Variants in DACH2 observed in about 807,000 individuals in gnomAD.
DACH2 encodes the protein dachshund homolog 2.
A neutral mutation model predicts 35.8 loss-of-function variants in DACH2; 17 were observed. The observed-to-expected ratio is 0.48, with a 90% CI of 0.33 to 0.71. The LOEUF is 0.71. DACH2 is among the 30% of genes least tolerant of loss of function. The pLI is 0.02. For synonymous variants in DACH2, 195 were observed against 177.3 expected (o/e 1.10, Z -0.79); for missense variants, 469 against 472.7 (o/e 0.99, Z 0.07).
intron 2 of DACH2, among the ~76,000 whole-genome samples, chrX:86,436,682 T>C (rs1000727677): frequency 9.0e-6 from 1 of 111,577 alleles, no homozygotes; most frequent in African/African-American, 3.2e-5. Flanking sequence ...TTTCTTTGAT[T>C]CTACCTTTAA....
At chrX:86,651,003 T>G (rs1346128279) in intron 3 of DACH2, 33 bp from the exon 4 acceptor site, 1 of 1,118,369 alleles carries the variant, frequency 8.9e-7, no homozygotes, top group Non-Finnish European at 1.2e-6. Context: ...TTAATATAAA[T>G]AAATAAATGG....
chrX:86,443,697 G>C (rs1407204666), intron 2 of DACH2, among the ~76,000 whole-genome samples: 1 of 111,062 alleles, frequency 9.0e-6, no homozygotes, highest in Non-Finnish European at 1.9e-5. Context: ...TGTAATCCTA[G>C]TGTGTTTGGA....
At chrX:86,657,419 TA>T (rs1247149933) in intron 4 of DACH2, among the ~76,000 whole-genome samples, 2 of 111,417 alleles carry the variant, frequency 1.8e-5, no homozygotes, top group Non-Finnish European at 3.8e-5. Flanking sequence ...ACAAATATTA[TA>T]AATTATTAAA....
At chrX:86,471,135 G>T (rs747752033) in intron 2 of DACH2, among the ~76,000 whole-genome samples, 2 of 111,488 alleles carry the variant, frequency 1.8e-5, no homozygotes, top group East Asian at 5.6e-4. Context: ...ATCTCATTCA[G>T]TTCATACATT....
chrX:86,652,004 TG>T (rs1383944404), intron 4 of DACH2, among the ~76,000 whole-genome samples: 23 of 111,689 alleles, frequency 2.1e-4, no homozygotes, highest in Non-Finnish European at 1.9e-5. Flanking sequence ...AAACATGATT[TG>T]GGGGTTTGGT....
chrX:86,751,755 T>C (rs1298445801), intron 7 of DACH2, among the ~76,000 whole-genome samples: 1 of 111,431 alleles, frequency 9.0e-6, no homozygotes, highest in Non-Finnish European at 1.9e-5. Context: ...TGCACAGGAT[T>C]GAAAGCCAAC....
rs67988965 is a variant in DACH2 at position 86,679,616 on chromosome X, C to CTGTGTG, written c.773-15367_773-15362dup. 9.9e-4 allele frequency among the ~76,000 whole-genome samples: 95 copies of CTGTGTG among 96,285 alleles called. 1 individual carries two copies. The highest frequency in any genetic ancestry group is 2.4e-3 in the African/African-American group (63 of 26,496). 83.6% of individuals were successfully genotyped at this position (96,285 alleles called of 115,157 possible). A position where few individuals can be genotyped will look rare whatever the true frequency, so the allele number is the denominator to read the frequency against. Reference sequence around the variant, plus strand: ...TCTCTCTCTCTCTCTCTCTCTGTCTCTGTGTGTGTGTGTGTGTGTGTGTGT... The same window carrying CTGTGTG: ...TCTCTCTCTCTCTCTCTCTCTGTCTCTGTGTGTGTGTGTGTGTGTGTGTGTGTGTGT... On this transcript the variant is annotated intron_variant, in intron 4 of 11. Transcript: ENST00000373125.
intron 3 of DACH2, among the ~76,000 whole-genome samples, chrX:86,532,031 G>A (rs921547192): frequency 8.8e-6 from 1 of 113,184 alleles, no homozygotes; most frequent in East Asian, 2.8e-4. Context: ...TTTTGGACTT[G>A]CATGGGGCCT....
chrX:86,788,107 G>A (rs2042155518), intron 7 of DACH2, among the ~76,000 whole-genome samples: 1 of 110,944 alleles, frequency 9.0e-6, no homozygotes, highest in Non-Finnish European at 1.9e-5. Flanking sequence ...GGCCGCATGC[G>A]CAGTTTACTG....
chrX:86,723,161 A>C (rs2041426485), intron 6 of DACH2, among the ~76,000 whole-genome samples: 1 of 111,456 alleles, frequency 9.0e-6, no homozygotes, highest in Non-Finnish European at 1.9e-5. Flanking sequence ...CTGTGGAATC[A>C]ATTGTAATGT....
At chrX:86,616,952 GA>G (rs1249835806) in intron 3 of DACH2, among the ~76,000 whole-genome samples, 1 of 111,957 alleles carries the variant, frequency 8.9e-6, no homozygotes, top group Non-Finnish European at 1.9e-5. Context: ...TATGGTGTGA[GA>G]AAGGTGTCCA....
chrX:86,512,711 C>T (rs1173747603), intron 2 of DACH2, among the ~76,000 whole-genome samples: 1 of 111,937 alleles, frequency 8.9e-6, no homozygotes, highest in Non-Finnish European at 1.9e-5. Flanking sequence ...GAAGCTTATT[C>T]GATAAAATAA....
At position 86,672,626 on chromosome X, in the gene DACH2, G is replaced by A. The variant is rs752830309; in HGVS notation, c.772+21459G>A. Reference sequence around the variant, plus strand: ...CTTTGACATTGTGTTAAGCCTATGGGTGTGCAGAGGGCAAGAGTTGAGGCT... The same window carrying A: ...CTTTGACATTGTGTTAAGCCTATGGATGTGCAGAGGGCAAGAGTTGAGGCT... On this transcript the variant is annotated intron_variant, in intron 4 of 11. Coordinates refer to ENST00000373125, the MANE Select transcript of DACH2 (RefSeq NM_053281.3). Among the ~76,000 whole-genome samples the A allele has an allele frequency of 2.7e-5, 3 of 112,302 alleles. No homozygotes were observed. In the South Asian group the frequency reaches 1.1e-3, roughly 41 times the overall value.
At chrX:86,598,829 G>A (rs924376167) in intron 3 of DACH2, among the ~76,000 whole-genome samples, 6 of 105,715 alleles carry the variant, frequency 5.7e-5, no homozygotes, top group African/African-American at 1.4e-4. Context: ...TATAATTTAC[G>A]TTCTAGGGTA....
intron 7 of DACH2, among the ~76,000 whole-genome samples, chrX:86,752,065 G>A (rs1022458577): frequency 6.3e-5 from 7 of 111,210 alleles, no homozygotes; most frequent in African/African-American, 1.6e-4. Flanking sequence ...GATGGGAACC[G>A]AGGGACAGGG....
At chrX:86,324,520 A>G (rs1278562665) in intron 1 of DACH2, among the ~76,000 whole-genome samples, 1 of 109,865 alleles carries the variant, frequency 9.1e-6, no homozygotes, top group African/African-American at 3.3e-5. Flanking sequence ...CACATACTAC[A>G]GAGAAATATT....
intron 1 of DACH2, among the ~76,000 whole-genome samples, chrX:86,288,690 T>C (rs752404797): frequency 5.3e-4 from 59 of 111,853 alleles, no homozygotes; most frequent in Admixed American, 3.8e-4. Context: ...ACAGAGAATA[T>C]TGCCAGACTA....
At chrX:86,577,490 A>AT (rs1174887399) in intron 3 of DACH2, among the ~76,000 whole-genome samples, 2 of 111,597 alleles carry the variant, frequency 1.8e-5, no homozygotes, top group East Asian at 5.6e-4. Flanking sequence ...ATATAAAAAT[A>AT]TTTTTAGATT....
chrX:86,228,334 T>C (rs2032871232), intron 1 of DACH2, among the ~76,000 whole-genome samples: 1 of 110,849 alleles, frequency 9.0e-6, no homozygotes, highest in Admixed American at 9.7e-5. Context: ...ATCCACTCGT[T>C]GATTGAAGGG....
Sources: gnomAD v4.1 joint callset for allele counts (sites outside exome capture counted in the v4.1 genomes callset) on GRCh38, gnomAD v4.1.1 for gene constraint, MANE v1.5 for transcripts, NCBI Gene and HGNC (gene_info 2026-07-23, HGNC 2026-07-21) for gene names.